The following CA8 variants were observed in gnomAD, a reference collection of about 807,000 sequenced individuals.
The protein encoded by CA8 is carbonic anhydrase-related protein.
In CA8, 22 loss-of-function variants were observed where a neutral mutation model predicts 41.4. The ratio of observed to expected loss-of-function variants is 0.53; its 90% CI spans 0.38 to 0.76. CA8 has a LOEUF of 0.76. CA8 is among the 30% of genes least tolerant of loss of function. The pLI is 0.00. For missense variants in CA8, 270 were observed against 352.8 expected (o/e 0.77, Z 1.88); for synonymous variants, 121 against 130.6 (o/e 0.93, Z 0.50).
At position 60,186,599 on chromosome 8, in the gene CA8, C is replaced by T. The variant is rs2326516; in HGVS notation, c.*3422G>A. Among the ~76,000 whole-genome samples, 43,193 of 150,864 alleles carry T rather than the reference C, an allele frequency of 0.29. 6,397 individuals carry two copies. The highest frequency in any genetic ancestry group is 0.41 in the Middle Eastern group (118 of 288). ...GTGCAAATGGGTTAAATAATCCAAC[C>T]AAAAGGCAGAGAGACTGTCAGACTG... On this transcript the variant is annotated 3_prime_UTR_variant, in exon 9 of 9. Transcript: ENST00000317995.
intron 3 of CA8, among the ~76,000 whole-genome samples, chr8:60,263,422 T>A (rs112627855): frequency 3.3e-5 from 5 of 152,044 alleles, no homozygotes; most frequent in African/African-American, 1.2e-4. Context: ...AGCCATTTAA[T>A]TTTCAATGAA....
intron 7 of CA8, among the ~76,000 whole-genome samples, chr8:60,211,634 G>T (rs1452650366): frequency 6.6e-6 from 1 of 152,196 alleles, no homozygotes. Context: ...ACTTCTTCCA[G>T]AAGAGATGAT....
chr8:60,194,470 C>T (rs1162490735), intron 8 of CA8, among the ~76,000 whole-genome samples: 1 of 152,050 alleles, frequency 6.6e-6, no homozygotes, highest in Admixed American at 6.6e-5. Context: ...GGCCTTTCTG[C>T]CAGTGTATGG....
chr8:60,234,407 A>G (rs1807760263), intron 3 of CA8, among the ~76,000 whole-genome samples: 1 of 152,242 alleles, frequency 6.6e-6, no homozygotes, highest in African/African-American at 2.4e-5. Context: ...AATGTGGATT[A>G]GTAACATATC....
intron 3 of CA8, among the ~76,000 whole-genome samples, chr8:60,235,413 C>T (rs1401298311): frequency 6.6e-6 from 1 of 152,220 alleles, no homozygotes; most frequent in Non-Finnish European, 1.5e-5. Context: ...AATACAGCCA[C>T]AGTCTGATGT....
chr8:60,267,019 G>A (rs891169893), intron 2 of CA8, among the ~76,000 whole-genome samples: 3 of 152,144 alleles, frequency 2.0e-5, no homozygotes, highest in Non-Finnish European at 4.4e-5. Context: ...GTCCTTTTGG[G>A]TTGCCTTTGA....
chr8:60,188,363 C>A lies in CA8; in HGVS notation c.*1658G>T, dbSNP rs971055431. 1 of 152,170 alleles carries A rather than the reference C, an allele frequency of 6.6e-6. No individual in the cohort carries two copies. The highest frequency in any genetic ancestry group is 1.5e-5 in the Non-Finnish European group (1 of 68,038). 9.4% of individuals were successfully genotyped at this position (152,170 alleles called of 1,614,324 possible). On this transcript the variant is annotated 3_prime_UTR_variant, in exon 9 of 9. Transcript: ENST00000317995. ...CCTGACTGTTCAGCACCAACCCGGT[C>A]AGGAGTGGAGAGGCTGGTACCTGTG... is the stretch of plus-strand genomic sequence containing the variant.
intron 3 of CA8, among the ~76,000 whole-genome samples, chr8:60,239,918 C>T (rs1184713365): frequency 1.3e-5 from 2 of 152,202 alleles, no homozygotes; most frequent in Non-Finnish European, 2.9e-5. Flanking sequence ...TGTGAGGCCT[C>T]CTCAGCCACG....
intron 3 of CA8, among the ~76,000 whole-genome samples, chr8:60,262,682 A>G (rs1803771414): frequency 6.6e-6 from 1 of 152,206 alleles, no homozygotes; most frequent in Non-Finnish European, 1.5e-5. Flanking sequence ...AGACCCTTTC[A>G]GGTAACAGGA....
At position 60,245,682 on chromosome 8, in the gene CA8, C is replaced by T. The variant is rs138451946; in HGVS notation, c.418-13303G>A. 3.3e-4 allele frequency among the ~76,000 whole-genome samples: 50 copies of T among 152,282 alleles called. 1 individual carries two copies. The East Asian group carries it at 8.7e-3, about 26-fold the overall frequency. ...ACCTGAAATACAGAGCCCAAGTTCCCTTTCAATGTTGTAACAAGGTAAAGT... is the reference window on the plus strand; with the variant it reads ...ACCTGAAATACAGAGCCCAAGTTCCTTTTCAATGTTGTAACAAGGTAAAGT... On this transcript the variant is annotated intron_variant, in intron 3 of 8. Transcript: ENST00000317995.
chr8:60,206,153 T>C lies in CA8; in HGVS notation c.*35+2597A>G, dbSNP rs554876825. 3.3e-5 allele frequency among the ~76,000 whole-genome samples: 5 copies of C among 152,320 alleles called. No individual in the cohort carries two copies. The South Asian group carries it at 1.0e-3, about 32-fold the overall frequency. ...GAATTCCTGTACCATTCTTAGGAAT[T>C]TGGGAGCAAATTATCCCCTTTAAGT... On this transcript the variant is annotated intron_variant, in intron 8 of 8. Coordinates refer to ENST00000317995, the MANE Select transcript of CA8 (RefSeq NM_004056.6).
intron 7 of CA8, among the ~76,000 whole-genome samples, chr8:60,212,087 T>C (rs1169254839): frequency 2.0e-5 from 3 of 152,186 alleles, no homozygotes; most frequent in Admixed American, 6.5e-5. Flanking sequence ...GGCACCAACA[T>C]TGAACATTTC....
chr8:60,279,701 T>A lies in CA8; in HGVS notation c.280A>T (p.Lys94Ter). ...TTTTCTAAAATACCTGATTTTGACT[T>A]CAGGATAACCTGAATGGTATGTCCA... ...NDGHTIQVILKSKSVLSGGPL... is the reference protein window; with the variant it reads ...NDGHTIQVIL The change falls in exon 2 of 9, where the codon AAG becomes TAG. Residue 94 changes from lysine to a stop codon, truncating the protein, a stop_gained. Transcript: ENST00000317995. LOFTEE classifies it high-confidence loss of function. 6.2e-7 allele frequency: 1 copy of A among 1,614,092 alleles called. No individual in the cohort carries two copies. Among genetic ancestry groups the A allele is most frequent in the Non-Finnish European group, 8.5e-7 (1 of 1,179,944 alleles).
intron 3 of CA8, among the ~76,000 whole-genome samples, chr8:60,241,414 T>C (rs888381940): frequency 6.6e-6 from 1 of 152,230 alleles, no homozygotes; most frequent in Non-Finnish European, 1.5e-5. Context: ...AAGGTATTTA[T>C]AGTGTTCTTA....
chr8:60,228,705 CA>C (rs1807531061), intron 4 of CA8, among the ~76,000 whole-genome samples: 1 of 152,208 alleles, frequency 6.6e-6, no homozygotes, highest in Non-Finnish European at 1.5e-5. Context: ...GACTGTGGAA[CA>C]GGCTTGGGTC....
chr8:60,270,341 GT>G (rs1804029685), intron 2 of CA8, among the ~76,000 whole-genome samples: 1 of 152,198 alleles, frequency 6.6e-6, no homozygotes, highest in Non-Finnish European at 1.5e-5. Flanking sequence ...CCCCACACCA[GT>G]GGGTCCCTGG....
At chr8:60,225,365 C>A (rs1807396478) in intron 5 of CA8, among the ~76,000 whole-genome samples, 1 of 152,110 alleles carries the variant, frequency 6.6e-6, no homozygotes, top group African/African-American at 2.4e-5. Context: ...CTCCCTGGGA[C>A]TATTTCAAAC....
intron 8 of CA8, among the ~76,000 whole-genome samples, chr8:60,196,811 C>A (rs1162335543): frequency 6.6e-6 from 1 of 151,988 alleles, no homozygotes. Flanking sequence ...CCAGAAAAAT[C>A]CTGCAGAAGA....
Position 60,185,757 on chromosome 8 carries a change from T to C in CA8, c.*4264A>G, listed in dbSNP as rs1015501930. Among the ~76,000 whole-genome samples, 2 of 151,924 alleles carry C rather than the reference T, an allele frequency of 1.3e-5. No individual in the cohort carries two copies. Among genetic ancestry groups the C allele is most frequent in the African/African-American group, 4.8e-5 (2 of 41,370 alleles). ...AGCCCATATAAACAAAAACTAAAGA[T>C]TTGTCCCTATCAGATTTGCCTTATA... is the stretch of plus-strand genomic sequence containing the variant. On this transcript the variant is annotated 3_prime_UTR_variant, in exon 9 of 9. Transcript: ENST00000317995.
Sources: allele counts gnomAD v4.1 joint callset (sites outside exome capture counted in the v4.1 genomes callset), GRCh38; gene constraint gnomAD v4.1.1; transcripts MANE v1.5; gene names NCBI Gene and HGNC (gene_info 2026-07-23, HGNC 2026-07-21).